Variants in ARHGAP18 observed in about 807,000 individuals in gnomAD.
ARHGAP18 encodes Rho GTPase activating protein 18, also known as rho GTPase-activating protein 18.
In ARHGAP18, 67 loss-of-function variants were observed where a neutral mutation model predicts 86.2. The ratio of observed to expected loss-of-function variants is 0.78; its 90% confidence interval spans 0.64 to 0.95. The LOEUF (loss-of-function observed/expected upper bound fraction) is 0.95, where lower values mean the gene tolerates loss of function less well. ARHGAP18 is among the 40% of genes least tolerant of loss of function. The pLI, the probability that ARHGAP18 is intolerant of heterozygous loss-of-function variation, is 0.00. For missense variants in ARHGAP18, 691 were observed against 780.4 expected, an observed-to-expected ratio of 0.89 and a Z score of 1.37; for synonymous variants, 283 against 280.4, an observed-to-expected ratio of 1.01 and a Z score of -0.09.
At chr6:129,676,756 T>A (rs1024370404) in intron 1 of ARHGAP18, among the ~76,000 whole-genome samples, 1 of 151,772 alleles carries the variant, frequency 6.6e-6, no homozygotes, top group African/African-American at 2.4e-5. Flanking sequence ...ACTTTACCGC[T>A]CCAACCTGCA....
At chr6:129,660,167 C>A (rs145538730) in intron 1 of ARHGAP18, among the ~76,000 whole-genome samples, 1 of 152,086 alleles carries the variant, frequency 6.6e-6, no homozygotes, top group Non-Finnish European at 1.5e-5. Flanking sequence ...GCAGGCAGTA[C>A]GACAATGGAA....
chr6:129,627,215 TCAA>T (rs1231815655), intron 5 of ARHGAP18, among the ~76,000 whole-genome samples: 2 of 152,078 alleles, frequency 1.3e-5, no homozygotes, highest in Admixed American at 1.3e-4. Flanking sequence ...TGTTAATAAG[TCAA>T]CAATTTCTGA....
Position 129,599,215 on chromosome 6 carries a change from C to A in ARHGAP18, c.1713+1G>T. On this transcript the variant is annotated splice_donor_variant, in intron 12 of 14. Coordinates refer to ENST00000368149, the MANE Select transcript of ARHGAP18 (RefSeq NM_033515.3). LOFTEE classifies it high-confidence loss of function. ...AATACATATCTCCACTATTTTCTTA[C>A]ATCATTTGTACTCTTATCTTGCTTT... 1 of 1,538,470 alleles carries A rather than the reference C, an allele frequency of 6.5e-7. No individual in the cohort carries two copies. Among genetic ancestry groups the A allele is most frequent in the South Asian group, 1.3e-5 (1 of 78,254 alleles).
intron 13 of ARHGAP18, among the ~76,000 whole-genome samples, chr6:129,583,210 A>G (rs947923898): frequency 1.3e-5 from 2 of 152,230 alleles, no homozygotes; most frequent in Admixed American, 6.5e-5. Context: ...GTTTTTAAAC[A>G]TTTAGTTTAT....
chr6:129,654,314 G>A (rs983956327), intron 1 of ARHGAP18, among the ~76,000 whole-genome samples: 1 of 152,152 alleles, frequency 6.6e-6, no homozygotes, highest in Non-Finnish European at 1.5e-5. Context: ...TGGGCATACT[G>A]AGCTCCAGCA....
intron 1 of ARHGAP18, among the ~76,000 whole-genome samples, chr6:129,682,012 T>C (rs1373987070): frequency 6.6e-6 from 1 of 152,242 alleles, no homozygotes; most frequent in Non-Finnish European, 1.5e-5. Flanking sequence ...GCTTATTAAA[T>C]TTATAATTTA....
chr6:129,614,528 T>C (rs1008382701), intron 7 of ARHGAP18, among the ~76,000 whole-genome samples: 3 of 151,820 alleles, frequency 2.0e-5, no homozygotes, highest in Non-Finnish European at 4.4e-5. Flanking sequence ...ACCAACTAAA[T>C]AAATTTAAAA....
intron 12 of ARHGAP18, among the ~76,000 whole-genome samples, chr6:129,598,171 G>A (rs1394981389): frequency 1.3e-5 from 2 of 151,652 alleles, no homozygotes; most frequent in African/African-American, 4.9e-5. Context: ...CAAAAAAAAA[G>A]GCTTTCTAAA....
chr6:129,678,999 T>G (rs998255082), intron 1 of ARHGAP18, among the ~76,000 whole-genome samples: 1 of 152,210 alleles, frequency 6.6e-6, no homozygotes, highest in Non-Finnish European at 1.5e-5. Flanking sequence ...TAAACTCTTT[T>G]GGCTTCAATG....
chr6:129,590,009 TGAA>T lies in ARHGAP18; in HGVS notation c.1714-5900_1714-5898del, dbSNP rs1422517594. Among the ~76,000 whole-genome samples the T allele has an allele frequency of 3.3e-5, 5 of 152,304 alleles. No individual in the cohort carries two copies. In the East Asian group the frequency reaches 9.7e-4, roughly 29 times the overall value. On this transcript the variant is annotated intron_variant, in intron 12 of 14. Coordinates refer to ENST00000368149, the MANE Select transcript of ARHGAP18 (RefSeq NM_033515.3). The stretch of plus-strand genomic sequence containing the variant: ...AGGAAGCATCCAGCCAGGAAAAAGA[TGAA>T]GGCCAGAGGACTCAGCAAGTCTGTT...
At position 129,601,107 on chromosome 6, in the gene ARHGAP18, G is replaced by C. The variant is rs77835607; in HGVS notation, c.1366-259C>G. On this transcript the variant is annotated intron_variant, in intron 10 of 14. Coordinates refer to ENST00000368149, the MANE Select transcript of ARHGAP18 (RefSeq NM_033515.3). ...ACATAGCTGAACTAGGGAGCAGAGA[G>C]AGGAGTGGGGAAGTGTCAGACCTCT... 7.4e-3 allele frequency among the ~76,000 whole-genome samples: 1,130 copies of C among 152,306 alleles called. 13 individuals are homozygous for C. The highest frequency in any genetic ancestry group is 0.026 in the African/African-American group (1,083 of 41,550).
At chr6:129,695,472 T>C (rs1774600422) in intron 1 of ARHGAP18, among the ~76,000 whole-genome samples, 1 of 152,206 alleles carries the variant, frequency 6.6e-6, no homozygotes, top group South Asian at 2.1e-4. Context: ...TGTAAATAGC[T>C]ATAAGAATGG....
At chr6:129,667,987 G>A (rs1774073092) in intron 1 of ARHGAP18, among the ~76,000 whole-genome samples, 1 of 152,176 alleles carries the variant, frequency 6.6e-6, no homozygotes, top group Non-Finnish European at 1.5e-5. Flanking sequence ...ATGGAAGTGA[G>A]GAAAGAGGCT....
intron 7 of ARHGAP18, among the ~76,000 whole-genome samples, chr6:129,612,600 G>A (rs1234592355): frequency 6.6e-6 from 1 of 152,160 alleles, no homozygotes; most frequent in Non-Finnish European, 1.5e-5. Flanking sequence ...CTCCTTTAAT[G>A]ATTAAACAAG....
chr6:129,604,242 T>C (rs1788808096), intron 10 of ARHGAP18, among the ~76,000 whole-genome samples: 2 of 150,008 alleles, frequency 1.3e-5, no homozygotes, highest in South Asian at 4.4e-4. Context: ...TCCGATAGCC[T>C]CATACACAAA....
chr6:129,640,991 GAGA>G (rs1296451939), intron 2 of ARHGAP18, among the ~76,000 whole-genome samples: 1 of 152,176 alleles, frequency 6.6e-6, no homozygotes, highest in East Asian at 1.9e-4. Flanking sequence ...TATTATAGCA[GAGA>G]ATGGGAAATA....
At chr6:129,706,224 ATTC>A (rs1415146910) in intron 1 of ARHGAP18, among the ~76,000 whole-genome samples, 1 of 152,220 alleles carries the variant, frequency 6.6e-6, no homozygotes, top group Non-Finnish European at 1.5e-5. Flanking sequence ...CTTCGAAAAA[ATTC>A]TTTTCAAAAC....
chr6:129,584,326 G>A (rs565955375), intron 12 of ARHGAP18, among the ~76,000 whole-genome samples: 1 of 152,272 alleles, frequency 6.6e-6, no homozygotes, highest in Non-Finnish European at 1.5e-5. Flanking sequence ...GTGCAGTAAT[G>A]CTTAATTATT....
intron 1 of ARHGAP18, among the ~76,000 whole-genome samples, chr6:129,690,150 G>C (rs1170519858): frequency 6.7e-6 from 1 of 149,194 alleles, no homozygotes; most frequent in Non-Finnish European, 1.5e-5. Flanking sequence ...TGTGTATGTG[G>C]TGTGTGTGTA....
Sources: allele counts gnomAD v4.1 joint callset (sites outside exome capture counted in the v4.1 genomes callset), GRCh38; gene constraint gnomAD v4.1.1; transcripts MANE v1.5; gene names NCBI Gene and HGNC (gene_info 2026-07-23, HGNC 2026-07-21).